The following GATB variants were observed in gnomAD, a reference collection of about 807,000 sequenced individuals.
The protein encoded by GATB is glutamyl-tRNA(Gln) amidotransferase subunit B, mitochondrial.
GATB carries 39 observed loss-of-function variants against 62.3 expected under a neutral mutation model. The ratio of observed to expected loss-of-function variants is 0.63; its 90% CI spans 0.48 to 0.82. The LOEUF (loss-of-function observed/expected upper bound fraction) is 0.82, where lower values mean the gene tolerates loss of function less well. GATB is among the 40% of genes least tolerant of loss of function. GATB has a pLI of 0.00. For missense variants in GATB, 670 were observed against 684.0 expected, an observed-to-expected ratio of 0.98 and a Z score of 0.23; for synonymous variants, 276 against 258.9, an observed-to-expected ratio of 1.07 and a Z score of -0.63.
chr4:151,690,078 C>T (rs2126961738), intron 9 of GATB, among the ~76,000 whole-genome samples: 1 of 152,306 alleles, frequency 6.6e-6, no homozygotes, highest in Non-Finnish European at 1.5e-5. Flanking sequence ...AAGGCTTCTA[C>T]CCCTGCTCCT....
chr4:151,750,794 ATTTTTGTATTTTTTT>A (rs895366759), intron 2 of GATB, among the ~76,000 whole-genome samples: 28 of 148,664 alleles, frequency 1.9e-4, no homozygotes, highest in African/African-American at 6.9e-4. Context: ...TGCCCGACTT[ATTTTTGTATTTTTTT>A]TTTTTGTAGA....
intron 5 of GATB, among the ~76,000 whole-genome samples, chr4:151,710,849 C>T (rs1738804169): frequency 6.6e-6 from 1 of 152,162 alleles, no homozygotes; most frequent in Non-Finnish European, 1.5e-5. Context: ...GCTGAGGATG[C>T]CTACATTTCT....
chr4:151,733,274 C>CGAAACA (rs1739304522), intron 2 of GATB, among the ~76,000 whole-genome samples: 1 of 151,908 alleles, frequency 6.6e-6, no homozygotes, highest in Non-Finnish European at 1.5e-5. Context: ...CACTGAGAAA[C>CGAAACA]GAAACAGGAG....
intron 2 of GATB, chr4:151,722,625 C>T (rs1739053553): frequency 5.7e-6 from 1 of 175,212 alleles, no homozygotes; most frequent in African/African-American, 2.4e-5. Context: ...TGAAGCCTTC[C>T]TTGTTGTCCT....
chr4:151,727,237 T>C (rs985099266), intron 2 of GATB, among the ~76,000 whole-genome samples: 2 of 152,224 alleles, frequency 1.3e-5, no homozygotes, highest in Non-Finnish European at 2.9e-5. Flanking sequence ...TGCTTTTCCA[T>C]GTACCACTGG....
At chr4:151,753,808 T>C (rs1739768269) in intron 2 of GATB, among the ~76,000 whole-genome samples, 1 of 152,024 alleles carries the variant, frequency 6.6e-6, no homozygotes, top group Non-Finnish European at 1.5e-5. Flanking sequence ...AAGAAAGACA[T>C]GACCAATAAA....
chr4:151,712,778 C>T lies in GATB; in HGVS notation c.763+3231G>A, dbSNP rs549768145. On this transcript the variant is annotated intron_variant, in intron 5 of 12. Transcript: ENST00000263985. The stretch of plus-strand genomic sequence containing the variant: ...ACATGTATCCAGCACAGGCTGTTTT[C>T]GAGGCCCTGTCCTAAGTTTTCTAGA... Among the ~76,000 whole-genome samples the T allele has an allele frequency of 2.0e-5, 3 of 152,302 alleles. No individual in the cohort carries two copies. The East Asian group carries it at 5.8e-4, about 29-fold the overall frequency.
intron 5 of GATB, among the ~76,000 whole-genome samples, chr4:151,708,467 T>C (rs1738758153): frequency 6.6e-6 from 1 of 152,072 alleles, no homozygotes; most frequent in South Asian, 2.1e-4. Context: ...AGTTTTATAC[T>C]GAAGTTTTTT....
At chr4:151,690,413 G>A (rs1162850644) in intron 9 of GATB, among the ~76,000 whole-genome samples, 2 of 152,252 alleles carry the variant, frequency 1.3e-5, no homozygotes, top group East Asian at 3.8e-4. Context: ...GGCAGAGCCA[G>A]GCAACTTGAA....
intron 1 of GATB, 47 bp from the exon 2 acceptor site, chr4:151,758,969 T>C: frequency 7.2e-7 from 1 of 1,392,180 alleles, no homozygotes. Context: ...TTTGTCACCA[T>C]GAATGAATTT....
At chr4:151,686,235 C>A (rs1738242611) in intron 10 of GATB, among the ~76,000 whole-genome samples, 1 of 152,014 alleles carries the variant, frequency 6.6e-6, no homozygotes, top group Non-Finnish European at 1.5e-5. Context: ...GCACGTCCTG[C>A]CATTTTCATT....
chr4:151,717,226 T>C, intron 3 of GATB, 152 bp from the exon 4 acceptor site: 1 of 686,368 alleles, frequency 1.5e-6, no homozygotes, highest in South Asian at 1.9e-5. Flanking sequence ...AATTAGTTGC[T>C]GCATTGCAGC....
At chr4:151,679,732 T>C (rs1738096451) in intron 11 of GATB, 81 bp downstream of exon 11, 1 of 1,122,418 alleles carries the variant, frequency 8.9e-7, no homozygotes, top group African/African-American at 1.5e-5. Context: ...TGAAAGTCAC[T>C]CAGTGATGGC....
chr4:151,737,293 G>A (rs1479453336), intron 2 of GATB, among the ~76,000 whole-genome samples: 1 of 152,206 alleles, frequency 6.6e-6, no homozygotes. Context: ...CTCGTGTTAT[G>A]TTTTAGCAAA....
chr4:151,676,312 G>A (rs1738004687), intron 11 of GATB: 1 of 152,200 alleles, frequency 6.6e-6, no homozygotes, highest in Non-Finnish European at 1.5e-5. Context: ...ACAAGAGATT[G>A]GTTATTATGG....
chr4:151,715,407 A>T (rs1197614209), intron 5 of GATB, among the ~76,000 whole-genome samples: 2 of 152,080 alleles, frequency 1.3e-5, no homozygotes, highest in African/African-American at 4.8e-5. Flanking sequence ...TGTGACCAAA[A>T]CCTATGATCT....
chr4:151,735,413 A>C (rs1278054482), intron 2 of GATB, among the ~76,000 whole-genome samples: 1 of 152,132 alleles, frequency 6.6e-6, no homozygotes, highest in Non-Finnish European at 1.5e-5. Flanking sequence ...TCTTGCAAGA[A>C]GGGCCATAAT....
intron 9 of GATB, among the ~76,000 whole-genome samples, chr4:151,689,860 AG>A: frequency 1.3e-5 from 2 of 152,280 alleles, no homozygotes; most frequent in South Asian, 4.1e-4. Flanking sequence ...CTGCCAGCTC[AG>A]ATAGTTTTGA....
chr4:151,716,860 A>C lies in GATB; in HGVS notation c.640+16T>G, dbSNP rs1451323281. 28 of 1,612,882 alleles carry C rather than the reference A, an allele frequency of 1.7e-5. No homozygotes were observed. The highest frequency in any genetic ancestry group is 2.3e-5 in the Non-Finnish European group (27 of 1,179,140). On this transcript the variant is annotated intron_variant, in intron 4 of 12. Coordinates refer to ENST00000263985, the MANE Select transcript of GATB (RefSeq NM_004564.3). ...TGAAGTAGGAAGGAGAAATAATGAA[A>C]ACACTCCAAGCCTACCTGCCCTGTT...
Sources: gnomAD v4.1 joint callset for allele counts (sites outside exome capture counted in the v4.1 genomes callset) on GRCh38, gnomAD v4.1.1 for gene constraint, MANE v1.5 for transcripts, NCBI Gene and HGNC (gene_info 2026-07-23, HGNC 2026-07-21) for gene names.